The following HECTD4 variants were observed in gnomAD, a reference collection of about 807,000 sequenced individuals.
The protein encoded by HECTD4 is probable E3 ubiquitin-protein ligase HECTD4.
A neutral mutation model predicts 471.5 loss-of-function variants in HECTD4; 114 were observed. The ratio of observed to expected loss-of-function variants is 0.24; its 90% CI spans 0.21 to 0.28. HECTD4 has a LOEUF of 0.28. Ranked by LOEUF, HECTD4 falls within the 10% of genes least tolerant of loss-of-function variation. The pLI is 1.00. For missense variants in HECTD4, 3,866 were observed against 5,651.5 expected (o/e 0.68, Z 10.13); for synonymous variants, 2,012 against 2,256.0 (o/e 0.89, Z 3.07).
intron 23 of HECTD4, 148 bp downstream of exon 23, chr12:112,252,276 C>G: frequency 2.9e-6 from 2 of 678,990 alleles, no homozygotes; most frequent in Non-Finnish European, 4.6e-6. Context: ...GTACTACTAA[C>G]TGCTAGTAGT....
rs2036132821 is a variant in HECTD4, at chr12:112,345,526, A to G, written c.178-25784T>C. Among the ~76,000 whole-genome samples, 5 of 152,200 alleles carry G rather than the reference A, an allele frequency of 3.3e-5. 1 individual carries two copies. In the South Asian group the frequency reaches 1.0e-3, roughly 31 times the overall value. On this transcript the variant is annotated intron_variant, in intron 1 of 75. Transcript: ENST00000682272. ...AATTATATTATGGCATTTGTTACAG[A>G]GCCTGGAAGTAAATTCATGAAATAA...
At chr12:112,349,666 A>C (rs1172539266) in intron 1 of HECTD4, among the ~76,000 whole-genome samples, 2 of 152,122 alleles carry the variant, frequency 1.3e-5, no homozygotes, top group African/African-American at 4.8e-5. Flanking sequence ...ACAGAATGCA[A>C]CTACGGCAGT....
intron 32 of HECTD4, among the ~76,000 whole-genome samples, chr12:112,241,901 C>T (rs1248063126): frequency 2.0e-5 from 3 of 152,152 alleles, no homozygotes; most frequent in Non-Finnish European, 2.9e-5. Context: ...TCTTAATTAA[C>T]CCATTTTCCT....
intron 11 of HECTD4, among the ~76,000 whole-genome samples, chr12:112,271,329 T>C (rs781162251): frequency 6.6e-6 from 1 of 152,152 alleles, no homozygotes; most frequent in Non-Finnish European, 1.5e-5. Context: ...GGAGCTTAAT[T>C]CCCCTTCCCT....
intron 1 of HECTD4, among the ~76,000 whole-genome samples, chr12:112,356,875 C>A (rs535088100): frequency 8.1e-4 from 123 of 152,302 alleles, no homozygotes; most frequent in African/African-American, 3.0e-3. Context: ...ATAAAAAGTT[C>A]CTTCAACCTT....
intron 66 of HECTD4, among the ~76,000 whole-genome samples, chr12:112,174,799 T>A (rs1436699347): frequency 6.6e-6 from 1 of 151,376 alleles, no homozygotes; most frequent in Non-Finnish European, 1.5e-5. Flanking sequence ...CCTGACCTCA[T>A]GCCTCCCAAA....
chr12:112,305,047 A>C (rs1297765242), intron 7 of HECTD4, among the ~76,000 whole-genome samples: 2 of 152,130 alleles, frequency 1.3e-5, no homozygotes, highest in Non-Finnish European at 2.9e-5. Context: ...TTCTTTTATA[A>C]GTCTCTACAA....
At position 112,270,184 on chromosome 12, in the gene HECTD4, C is replaced by T; in HGVS notation, c.2175+43G>A. Reference sequence around the variant, plus strand: ...CTGGCTGAAGCCAAGGTTTGCGTTTCCTTTTCTCTATCATCTTATTTATTT... The same window carrying T: ...CTGGCTGAAGCCAAGGTTTGCGTTTTCTTTTCTCTATCATCTTATTTATTT... On this transcript the variant is annotated intron_variant, in intron 12 of 75. Coordinates refer to ENST00000682272, the MANE Select transcript of HECTD4 (RefSeq NM_001388303.1). The T allele has an allele frequency of 1.9e-6, 3 of 1,554,382 alleles. No individual in the cohort carries two copies. In the African/African-American group the frequency reaches 4.1e-5, roughly 21 times the overall value.
In HECTD4 at chr12:112,160,858, T is replaced by C. The variant is rs994178049; in HGVS notation, c.*1529A>G. The C allele has an allele frequency of 3.3e-4, 50 of 152,150 alleles. No individual in the cohort carries two copies. The highest frequency in any genetic ancestry group is 1.2e-3 in the African/African-American group (48 of 41,436). The allele number at this position is 152,150 out of a possible 1,614,324, so 9.4% of individuals were successfully genotyped here. ...AAGCAGGGGAACTGCTTGCGGGCACTCACCTCCAGAGTTGACTTGCATCCA... is the reference window on the plus strand; with the variant it reads ...AAGCAGGGGAACTGCTTGCGGGCACCCACCTCCAGAGTTGACTTGCATCCA... On this transcript the variant is annotated 3_prime_UTR_variant, in exon 76 of 76. Coordinates refer to ENST00000682272, the MANE Select transcript of HECTD4 (RefSeq NM_001388303.1).
rs10850005 is a variant in HECTD4, at chr12:112,168,217, G to C, written c.12209-300C>G. 0.042 allele frequency among the ~76,000 whole-genome samples: 6,393 copies of C among 152,250 alleles called. 1,204 individuals carry two copies. The East Asian group carries it at 0.61, about 14-fold the overall frequency. On this transcript the variant is annotated intron_variant, in intron 70 of 75. Transcript: ENST00000682272. ...CGAAGGCCATTCGAAGATTCAGTGAGGTCACCGCAGGTCCCCACACAGGCA... is the reference window on the plus strand; with the variant it reads ...CGAAGGCCATTCGAAGATTCAGTGACGTCACCGCAGGTCCCCACACAGGCA...
chr12:112,205,162 G>A (rs996003944), intron 52 of HECTD4, among the ~76,000 whole-genome samples: 5 of 150,220 alleles, frequency 3.3e-5, no homozygotes, highest in East Asian at 2.0e-4. Flanking sequence ...ATGGCCAGGC[G>A]TAGTGGCTCA....
intron 1 of HECTD4, among the ~76,000 whole-genome samples, chr12:112,364,397 ACTCT>A (rs905902704): frequency 4.1e-5 from 6 of 146,714 alleles, no homozygotes; most frequent in African/African-American, 1.5e-4. Context: ...ACAGAGCAAG[ACTCT>A]CTCTCTCAAA....
At chr12:112,268,905 C>T (rs1470446120) in intron 13 of HECTD4, among the ~76,000 whole-genome samples, 2 of 75,594 alleles carry the variant, frequency 2.6e-5, no homozygotes, top group Admixed American at 4.1e-4. Flanking sequence ...GGCGGAGTTT[C>T]GCTCTGTCGC....
At position 112,186,687 on chromosome 12, in the gene HECTD4, GAC is replaced by G. The variant is rs1349055220; in HGVS notation, c.9473-1196_9473-1195del. On this transcript the variant is annotated intron_variant, in intron 60 of 75. Transcript: ENST00000682272. ...CTTTTTTTTTTTTTTTTTAAATTGA[GAC>G]AGAGTCTGTCTCTTATCACCCAGGC... is the stretch of plus-strand genomic sequence containing the variant. Among the ~76,000 whole-genome samples, 9 of 131,854 alleles carry G rather than the reference GAC, an allele frequency of 6.8e-5. No individual in the cohort carries two copies. The South Asian group carries it at 2.2e-3, about 32-fold the overall frequency. 86.5% of individuals were successfully genotyped at this position (131,854 alleles called of 152,430 possible).
rs1173377002 is a variant in HECTD4, at chr12:112,258,542, G to C, written c.3082C>G (p.Pro1028Ala). 1 of 1,605,992 alleles carries C rather than the reference G, an allele frequency of 6.2e-7. No homozygotes were observed. Among genetic ancestry groups the C allele is most frequent in the Non-Finnish European group, 8.5e-7 (1 of 1,176,816 alleles). Residue 1028 changes from proline (P) to alanine (A), a missense_variant, in exon 20 of 76, where the codon CCG becomes GCG. By Grantham distance (27) the Pro-to-Ala change is conservative (BLOSUM62 -1). This residue lies in a region of HECTD4 where 525 missense variants were observed against 672.6 expected (regional missense o/e 0.78). Coordinates refer to ENST00000682272, the MANE Select transcript of HECTD4 (RefSeq NM_001388303.1). ...CACTTCTGGTCTGGTGCACCACACG[G>C]GGAACAGCCCACCTCAGCAAAAACC... ...CPVFAEVGCS[P>A]CGAPDQKCRL... is the part of the protein sequence containing the mutation.
chr12:112,172,879 G>T lies in HECTD4; in HGVS notation c.11595-18C>A. On this transcript the variant is annotated intron_variant, in intron 66 of 75. Coordinates refer to ENST00000682272, the MANE Select transcript of HECTD4 (RefSeq NM_001388303.1). ...ATGCGCACCTTGGGGTGGGGACAGG[G>T]GGAGAGGGGCAAAGTGAGGCAGGGC... is the stretch of plus-strand genomic sequence containing the variant. 6.2e-7 allele frequency: 1 copy of T among 1,611,384 alleles called. No individual in the cohort carries two copies. The highest frequency in any genetic ancestry group is 8.5e-7 in the Non-Finnish European group (1 of 1,177,788).
At chr12:112,343,581 G>C (rs1184600934) in intron 1 of HECTD4, among the ~76,000 whole-genome samples, 2 of 152,070 alleles carry the variant, frequency 1.3e-5, no homozygotes, top group Non-Finnish European at 2.9e-5. Flanking sequence ...ACTAGCCTGG[G>C]CAACACGGCA....
chr12:112,196,950 C>T (rs1033873480), intron 55 of HECTD4, among the ~76,000 whole-genome samples: 6 of 151,664 alleles, frequency 4.0e-5, no homozygotes, highest in African/African-American at 1.5e-4. Flanking sequence ...CGTGTGCCAC[C>T]ATGCCTGGCT....
At chr12:112,269,244 A>G (rs2034361547) in intron 13 of HECTD4, among the ~76,000 whole-genome samples, 1 of 152,148 alleles carries the variant, frequency 6.6e-6, no homozygotes, top group African/African-American at 2.4e-5. Flanking sequence ...GCCTTACCTT[A>G]GGAAAACCTC....
Sources: allele counts gnomAD v4.1 joint callset (sites outside exome capture counted in the v4.1 genomes callset), GRCh38; gene constraint gnomAD v4.1.1; regional missense constraint gnomAD v4.1.1; transcripts MANE v1.5; gene names NCBI Gene and HGNC (gene_info 2026-07-23, HGNC 2026-07-21).